Variants in ITSN1 observed in about 807,000 individuals in gnomAD.
ITSN1 encodes intersectin-1.
ITSN1 carries 58 observed loss-of-function variants against 239.8 expected under a neutral mutation model. That is an observed-to-expected ratio of 0.24 (90% CI 0.20 to 0.30). ITSN1 has a LOEUF of 0.30. Ranked by LOEUF, ITSN1 falls within the 10% of genes least tolerant of loss-of-function variation. ITSN1 has a pLI of 1.00. For missense variants in ITSN1, 1,558 were observed against 2,103.3 expected, an observed-to-expected ratio of 0.74 and a Z score of 5.07; for synonymous variants, 780 against 770.8, an observed-to-expected ratio of 1.01 and a Z score of -0.20.
At position 33,718,853 on chromosome 21, in the gene ITSN1, G is replaced by A. The variant is rs143930451; in HGVS notation, c.25G>A (p.Gly9Ser). The change falls in exon 2 of 40, where the codon GGT becomes AGT. Residue 9 changes from glycine to serine, a missense_variant. Gly to Ser is a moderately conservative substitution (Grantham distance 56, BLOSUM62 0). Transcript: ENST00000381318. ...CATGGCTCAGTTTCCAACACCTTTTGGTGGTAAGTTTTCAGAAATTTCTCT... is the reference window on the plus strand; with the variant it reads ...CATGGCTCAGTTTCCAACACCTTTTAGTGGTAAGTTTTCAGAAATTTCTCT... MAQFPTPF[G>S]GSLDIWAITV... The A allele has an allele frequency of 9.3e-6, 15 of 1,612,962 alleles. No individual in the cohort carries two copies. Among genetic ancestry groups the A allele is most frequent in the Middle Eastern group, 1.6e-4 (1 of 6,080 alleles).
chr21:33,766,750 T>TAC (rs1491274132), intron 10 of ITSN1, among the ~76,000 whole-genome samples: 1 of 152,190 alleles, frequency 6.6e-6, no homozygotes, highest in Non-Finnish European at 1.5e-5. Context: ...AAACTGTGAC[T>TAC]ATGTAGGAAG....
At chr21:33,853,396 G>T (rs2148468077) in intron 29 of ITSN1, among the ~76,000 whole-genome samples, 1 of 152,336 alleles carries the variant, frequency 6.6e-6, no homozygotes, top group African/African-American at 2.4e-5. Flanking sequence ...CAGCCCTCCA[G>T]CTTGTCCCCA....
intron 31 of ITSN1, among the ~76,000 whole-genome samples, chr21:33,860,699 G>T (rs1980349812): frequency 6.6e-6 from 1 of 152,202 alleles, no homozygotes; most frequent in Non-Finnish European, 1.5e-5. Context: ...TCACACAGTA[G>T]GGTGGCTGCT....
chr21:33,668,985 G>T lies in ITSN1; in HGVS notation c.-33+26272G>T, dbSNP rs2090092783. On this transcript the variant is annotated intron_variant, in intron 1 of 39. Coordinates refer to ENST00000381318, the MANE Select transcript of ITSN1 (RefSeq NM_003024.3). ...GCTGAAGGGGATGTGGCAAGTGGAT[G>T]GCCTCCCTCAGGGCTCCTTTCCACC... is the stretch of plus-strand genomic sequence containing the variant. Among the ~76,000 whole-genome samples the T allele has an allele frequency of 9.8e-5, 15 of 152,364 alleles. No homozygotes were observed. In the South Asian group the frequency reaches 3.1e-3, roughly 32 times the overall value.
intron 4 of ITSN1, among the ~76,000 whole-genome samples, chr21:33,730,416 T>TTTTTTTC (rs1165581075): frequency 7.0e-6 from 1 of 141,848 alleles, no homozygotes; most frequent in Non-Finnish European, 1.5e-5. Flanking sequence ...TTTTTTTTTT[T>TTTTTTTC]CTGGAGACAG....
chr21:33,858,694 A>G lies in ITSN1; in HGVS notation c.3792A>G (p.Gln1264=), dbSNP rs766615959. 3.8e-5 allele frequency: 62 copies of G among 1,610,834 alleles called. No individual in the cohort carries two copies. In the East Asian group the frequency reaches 7.6e-4, roughly 20 times the overall value. ...NDLQLVTEIF[Q]KPLMESELLT... ...GTTTTCTGCATCTGTAGATTTTTCA[A>G]AAACCCCTGATGGAGTCTGAGCTGC... Residue 1264 remains glutamine (Q), a synonymous_variant, in exon 31 of 40, where the codon CAA becomes CAG. Coordinates refer to ENST00000381318, the MANE Select transcript of ITSN1 (RefSeq NM_003024.3).
At chr21:33,791,126 T>C (rs1224435659) in intron 16 of ITSN1, among the ~76,000 whole-genome samples, 1 of 152,234 alleles carries the variant, frequency 6.6e-6, no homozygotes, top group Admixed American at 6.5e-5. Context: ...AACTTAGAAA[T>C]CATCCATGTT....
At chr21:33,751,758 G>A in intron 6 of ITSN1, 52 bp from the exon 7 acceptor site, 1 of 1,379,328 alleles carries the variant, frequency 7.2e-7, no homozygotes, top group Non-Finnish European at 1.0e-6. Context: ...GTAAATTGGG[G>A]AAAGTTTCTT....
intron 34 of ITSN1, among the ~76,000 whole-genome samples, chr21:33,876,174 TTTCC>T (rs1569333290): frequency 6.9e-6 from 1 of 144,694 alleles, no homozygotes; most frequent in Non-Finnish European, 1.5e-5. Flanking sequence ...TCTTTCTTTC[TTTCC>T]TTCCTTCCTT....
chr21:33,885,324 G>A (rs187521523), intron 37 of ITSN1, 115 bp from the exon 38 acceptor site: 9 of 1,119,464 alleles, frequency 8.0e-6, no homozygotes, highest in East Asian at 7.2e-5. Context: ...TTAAGGAGAG[G>A]GAAGAATTAC....
intron 33 of ITSN1, among the ~76,000 whole-genome samples, chr21:33,874,418 A>G (rs1270216298): frequency 1.3e-5 from 2 of 152,144 alleles, no homozygotes; most frequent in African/African-American, 4.8e-5. Context: ...CATGCTAAGC[A>G]TAGACTGCGC....
chr21:33,759,692 G>A (rs536124583), intron 8 of ITSN1, among the ~76,000 whole-genome samples: 2 of 152,272 alleles, frequency 1.3e-5, no homozygotes, highest in African/African-American at 2.4e-5. Flanking sequence ...AAACACACAC[G>A]TGCTCATGTA....
intron 23 of ITSN1, among the ~76,000 whole-genome samples, chr21:33,818,891 G>A (rs1275908764): frequency 6.6e-6 from 1 of 152,238 alleles, no homozygotes. Flanking sequence ...GGAACCTAAG[G>A]TTGTTAATTC....
rs952968601 is a variant in ITSN1, at chr21:33,896,551, T to C, written c.*8251T>C. ...TGGGCCACACGATCTGGTCTGCGGG[T>C]GTCTGGGAGGAACCTGCTTCGGAGA... On this transcript the variant is annotated 3_prime_UTR_variant, in exon 40 of 40. Coordinates refer to ENST00000381318, the MANE Select transcript of ITSN1 (RefSeq NM_003024.3). 2 of 152,196 alleles carry C rather than the reference T, an allele frequency of 1.3e-5. No homozygotes were observed. Among genetic ancestry groups the C allele is most frequent in the African/African-American group, 4.8e-5 (2 of 41,426 alleles). The allele number at this position is 152,196 out of a possible 1,614,324, so 9.4% of individuals were successfully genotyped here.
intron 31 of ITSN1, among the ~76,000 whole-genome samples, chr21:33,863,247 T>C (rs979678177): frequency 1.3e-5 from 2 of 152,254 alleles, no homozygotes; most frequent in African/African-American, 4.8e-5. Context: ...AACTCTGTTC[T>C]ACAAGTGTGG....
At chr21:33,737,253 G>A (rs1388094228) in intron 5 of ITSN1, among the ~76,000 whole-genome samples, 16 of 152,080 alleles carry the variant, frequency 1.1e-4, no homozygotes, top group Non-Finnish European at 1.5e-4. Flanking sequence ...TTTTACAGTC[G>A]TTAAGTAACC....
Position 33,811,052 on chromosome 21 carries a change from C to T in ITSN1, c.2397C>T (p.Asn799=). 2 of 1,614,122 alleles carry T rather than the reference C, an allele frequency of 1.2e-6. No individual in the cohort carries two copies. Among genetic ancestry groups the T allele is most frequent in the Non-Finnish European group, 1.7e-6 (2 of 1,179,952 alleles). Residue 799 remains asparagine (N), a synonymous_variant, in exon 21 of 40, where the codon AAC becomes AAT. Coordinates refer to ENST00000381318, the MANE Select transcript of ITSN1 (RefSeq NM_003024.3). Reference sequence around the variant, plus strand: ...GAAAGACAGGGTGGTTCCCTGCAAACTATGCAGAGAAAATCCCAGAAAATG... The same window carrying T: ...GAAAGACAGGGTGGTTCCCTGCAAATTATGCAGAGAAAATCCCAGAAAATG... The part of the protein sequence containing the change: ...LKGKTGWFPA[N]YAEKIPENEV...
intron 14 of ITSN1, among the ~76,000 whole-genome samples, chr21:33,779,038 C>G (rs1419542743): frequency 6.6e-6 from 1 of 151,804 alleles, no homozygotes; most frequent in Non-Finnish European, 1.5e-5. Context: ...CTCTATCTCT[C>G]CTCCTTCTTC....
chr21:33,808,312 C>T (rs1247715095), intron 20 of ITSN1, among the ~76,000 whole-genome samples: 7 of 152,070 alleles, frequency 4.6e-5, no homozygotes, highest in Non-Finnish European at 5.9e-5. Flanking sequence ...TGGCCTGGCA[C>T]GGTGGCTCAC....
Sources: gnomAD v4.1 joint callset for allele counts (sites outside exome capture counted in the v4.1 genomes callset) on GRCh38, gnomAD v4.1.1 for gene constraint, MANE v1.5 for transcripts, NCBI Gene and HGNC (gene_info 2026-07-23, HGNC 2026-07-21) for gene names.